KIF5C: variants seen among roughly 807,000 people sequenced by gnomAD.
KIF5C encodes the protein kinesin family member 5C.
Under a neutral mutation model 125.2 loss-of-function variants are expected in KIF5C, and 18 were observed. That is an observed-to-expected ratio of 0.14 (90% CI 0.10 to 0.21). KIF5C has a LOEUF of 0.21. Ranked by LOEUF, KIF5C falls within the 10% of genes least tolerant of loss-of-function variation. The probability of loss-of-function intolerance (pLI) is 1.00; values close to 1 mark genes in which losing one functional copy is unlikely to be tolerated. For synonymous variants in KIF5C, 405 were observed against 434.0 expected (o/e 0.93, Z 0.83); for missense variants, 780 against 1,183.8 (o/e 0.66, Z 5.01).
intron 1 of KIF5C, among the ~76,000 whole-genome samples, chr2:148,890,867 C>A (rs1216011973): frequency 6.6e-6 from 1 of 151,986 alleles, no homozygotes; most frequent in African/African-American, 2.4e-5. Context: ...GACTTAGCAT[C>A]CAAAAGGATA....
At chr2:148,882,814 C>T (rs903989280) in intron 1 of KIF5C, among the ~76,000 whole-genome samples, 13 of 152,324 alleles carry the variant, frequency 8.5e-5, no homozygotes, top group African/African-American at 1.9e-4. Flanking sequence ...CTTTGCCCTT[C>T]CCCAGTAGAG....
chr2:148,969,463 A>ATG (rs1206566582), intron 11 of KIF5C, among the ~76,000 whole-genome samples: 1 of 97,778 alleles, frequency 1.0e-5, no homozygotes, highest in Non-Finnish European at 2.2e-5. Context: ...GTGTGTGTGT[A>ATG]TGTGTGTGGG....
chr2:148,978,936 C>G lies in KIF5C; in HGVS notation c.1308C>G (p.Asn436Lys). The G allele has an allele frequency of 6.3e-7, 1 of 1,597,354 alleles. No homozygotes were observed. Among genetic ancestry groups the G allele is most frequent in the Non-Finnish European group, 8.5e-7 (1 of 1,171,962 alleles). ...TTTCGTTTCAGGATGATGAAATTAA[C>G]CAGCAGAGCCAGCTGGCTGAAAAGC... ...RQLDDKDDEI[N>K]QQSQLAEKLK... is the part of the protein sequence containing the mutation. Residue 436 changes from asparagine (N) to lysine (K), a missense_variant, in exon 13 of 26, where the codon AAC becomes AAG. This residue lies in a region of KIF5C where 573 missense variants were observed against 742.6 expected (regional missense o/e 0.77). Coordinates refer to ENST00000435030, the MANE Select transcript of KIF5C (RefSeq NM_004522.3).
chr2:148,909,023 G>A (rs149039837), intron 1 of KIF5C, among the ~76,000 whole-genome samples: 6 of 152,258 alleles, frequency 3.9e-5, no homozygotes, highest in South Asian at 2.1e-4. Flanking sequence ...GAGAAAAACC[G>A]CTTCTTTCCC....
At chr2:148,925,964 A>G (rs887088237) in intron 2 of KIF5C, among the ~76,000 whole-genome samples, 1 of 152,152 alleles carries the variant, frequency 6.6e-6, no homozygotes, top group Admixed American at 6.5e-5. Flanking sequence ...CCGCCTCATC[A>G]TCCTCTGATT....
At chr2:149,020,685 G>A (rs1487864986) in intron 25 of KIF5C, among the ~76,000 whole-genome samples, 1 of 152,194 alleles carries the variant, frequency 6.6e-6, no homozygotes, top group Non-Finnish European at 1.5e-5. Flanking sequence ...CATCTCATCC[G>A]ACCAAGGGGA....
At chr2:148,915,383 T>C (rs1230307075) in intron 1 of KIF5C, among the ~76,000 whole-genome samples, 1 of 152,222 alleles carries the variant, frequency 6.6e-6, no homozygotes, top group Non-Finnish European at 1.5e-5. Context: ...TTGATGCTTC[T>C]AGAATTGTGT....
At chr2:148,952,189 C>G (rs1350938092) in intron 10 of KIF5C, among the ~76,000 whole-genome samples, 1 of 152,120 alleles carries the variant, frequency 6.6e-6, no homozygotes, top group Non-Finnish European at 1.5e-5. Flanking sequence ...GTGTCTTAAA[C>G]TTGAGCTTTA....
chr2:148,882,414 G>A (rs1473475459), intron 1 of KIF5C, among the ~76,000 whole-genome samples: 1 of 152,182 alleles, frequency 6.6e-6, no homozygotes, highest in African/African-American at 2.4e-5. Flanking sequence ...TTAATCTTGG[G>A]AAGGTGCAGA....
At chr2:148,883,999 C>T (rs1372307890) in intron 1 of KIF5C, 2 of 152,204 alleles carry the variant, frequency 1.3e-5, no homozygotes, top group Admixed American at 1.3e-4. Flanking sequence ...TTTATAGTCT[C>T]ACTTCTCTGC....
intron 5 of KIF5C, 129 bp downstream of exon 5, chr2:148,941,787 A>T: frequency 1.4e-6 from 2 of 1,449,568 alleles, no homozygotes; most frequent in Admixed American, 2.4e-5. Flanking sequence ...CCTTCAGGGT[A>T]TATGTTTATT....
intron 25 of KIF5C, among the ~76,000 whole-genome samples, chr2:149,019,517 T>G (rs896294417): frequency 6.6e-6 from 1 of 152,148 alleles, no homozygotes; most frequent in Non-Finnish European, 1.5e-5. Flanking sequence ...GAGGCAAGAA[T>G]TCCTGATTCC....
Position 148,991,336 on chromosome 2 carries a change from G to T in KIF5C, c.1905+138G>T, listed in dbSNP as rs547294117. 1.5e-5 allele frequency: 21 copies of T among 1,396,540 alleles called. No individual in the cohort carries two copies. The African/African-American group carries it at 3.0e-4, about 20-fold the overall frequency. The allele number at this position is 1,396,540 out of a possible 1,614,324, so 86.5% of individuals were successfully genotyped here. A position where few individuals can be genotyped will look rare whatever the true frequency, so the allele number is the denominator to read the frequency against. On this transcript the variant is annotated intron_variant, in intron 16 of 25. Coordinates refer to ENST00000435030, the MANE Select transcript of KIF5C (RefSeq NM_004522.3). ...GTAAGCTTGGCCTCCCCAGGTGATG[G>T]CAGCCCAGGTCTATTCCTAGGGCTA...
intron 15 of KIF5C, among the ~76,000 whole-genome samples, chr2:148,988,509 A>C (rs1033197366): frequency 2.6e-5 from 4 of 152,228 alleles, no homozygotes; most frequent in African/African-American, 7.2e-5. Flanking sequence ...AGAGGAATTC[A>C]TTCTCTTCCC....
chr2:148,984,725 G>T (rs905377874), intron 15 of KIF5C, among the ~76,000 whole-genome samples: 4 of 152,144 alleles, frequency 2.6e-5, no homozygotes, highest in African/African-American at 9.7e-5. Context: ...ACTATAATTG[G>T]CATAGACCAA....
intron 4 of KIF5C, among the ~76,000 whole-genome samples, chr2:148,941,178 A>G (rs1461100088): frequency 6.6e-6 from 1 of 152,134 alleles, no homozygotes; most frequent in East Asian, 1.9e-4. Context: ...TGTAGTTCTA[A>G]ACACACTGCC....
At chr2:148,935,443 G>A (rs1682272163) in intron 3 of KIF5C, among the ~76,000 whole-genome samples, 1 of 152,182 alleles carries the variant, frequency 6.6e-6, no homozygotes, top group South Asian at 2.1e-4. Flanking sequence ...TGGCTGAGTG[G>A]AGTCATGACA....
intron 11 of KIF5C, 135 bp downstream of exon 11, chr2:148,962,254 C>T (rs1011611590): frequency 2.3e-6 from 3 of 1,299,336 alleles, no homozygotes; most frequent in Admixed American, 2.9e-5. Flanking sequence ...CAACCTCTGC[C>T]TCCAGGGTTC....
chr2:148,995,904 C>T (rs1355325282), intron 17 of KIF5C, among the ~76,000 whole-genome samples: 1 of 152,214 alleles, frequency 6.6e-6, no homozygotes, highest in African/African-American at 2.4e-5. Context: ...CGCCTGTAAT[C>T]CCAGCACTTT....
Sources: allele counts gnomAD v4.1 joint callset (sites outside exome capture counted in the v4.1 genomes callset), GRCh38; gene constraint gnomAD v4.1.1; regional missense constraint gnomAD v4.1.1; transcripts MANE v1.5; gene names NCBI Gene and HGNC (gene_info 2026-07-23, HGNC 2026-07-21).